CYP4F3: variants seen among roughly 807,000 people sequenced by gnomAD.
The protein encoded by CYP4F3 is cytochrome P450 family 4 subfamily F member 3.
CYP4F3 carries 50 observed loss-of-function variants against 54.8 expected under a neutral mutation model. The observed-to-expected ratio is 0.91, with a 90% CI of 0.73 to 1.16. The LOEUF is 1.16. CYP4F3 is among the 50% of genes most tolerant of loss of function. CYP4F3 has a pLI of 0.00. For missense variants in CYP4F3, 715 were observed against 676.2 expected (o/e 1.06, Z -0.64); for synonymous variants, 244 against 262.6 (o/e 0.93, Z 0.69).
chr19:15,647,808 C>T (rs1972675342), intron 5 of CYP4F3, among the ~76,000 whole-genome samples: 5 of 152,180 alleles, frequency 3.3e-5, no homozygotes, highest in Admixed American at 3.3e-4. Context: ...TGGGTTTTGG[C>T]TGGCTTCAGA....
intron 9 of CYP4F3, 56 bp downstream of exon 9, chr19:15,653,008 C>T (rs1164675058): frequency 5.2e-6 from 8 of 1,546,082 alleles, no homozygotes; most frequent in Non-Finnish European, 7.0e-6. Context: ...CTCTGTTCCC[C>T]AGGTAGGGAG....
chr19:15,651,281 TTG>T, intron 7 of CYP4F3, among the ~76,000 whole-genome samples: 1 of 140,990 alleles, frequency 7.1e-6, no homozygotes, highest in Admixed American at 7.1e-5. Context: ...TTCTCTGTGT[TTG>T]TGTCTTTGTC....
At chr19:15,645,925 G>T in intron 3 of CYP4F3, 62 bp downstream of exon 3, 1 of 1,504,174 alleles carries the variant, frequency 6.6e-7, no homozygotes, top group Non-Finnish European at 9.0e-7. Context: ...CCCACAGCTG[G>T]GGTCTCTGTG....
intron 2 of CYP4F3, among the ~76,000 whole-genome samples, chr19:15,642,846 A>G (rs991942057): frequency 6.6e-6 from 1 of 151,744 alleles, no homozygotes; most frequent in Non-Finnish European, 1.5e-5. Context: ...GATAGATAAC[A>G]GGATAGATGG....
In CYP4F3 at chr19:15,641,618, G is replaced by T; in HGVS notation, c.198+5G>T. The T allele has an allele frequency of 6.2e-7, 1 of 1,613,510 alleles. No individual in the cohort carries two copies. The highest frequency in any genetic ancestry group is 8.5e-7 in the Non-Finnish European group (1 of 1,179,636). On this transcript the variant is annotated splice_donor_5th_base_variant and intron_variant, in intron 2 of 12. Transcript: ENST00000221307. ...TTCTTGGGTCACCTGGGCCTGGTGA[G>T]TGTGGCAGCAGGACGGGTCTGGGGT...
rs527733036 is a variant in CYP4F3, at chr19:15,649,953, G to A, written c.688G>A (p.Ala230Thr). 4.3e-6 allele frequency: 7 copies of A among 1,614,110 alleles called. No homozygotes were observed. In the African/African-American group the frequency reaches 8.0e-5, roughly 18 times the overall value. The change falls in exon 7 of 13, where the codon GCC becomes ACC. Residue 230 changes from alanine to threonine, a missense_variant. By Grantham distance (58) the Ala-to-Thr change is moderately conservative (BLOSUM62 0). Transcript: ENST00000221307. ...TATTGCCGCCATCTTGGAGCTCAGT[G>A]CCCTTGTGACAAAAAGACACCAGCA... ...EYIAAILELS[A>T]LVTKRHQQIL...
chr19:15,643,869 A>T (rs1972545915), intron 2 of CYP4F3: 1 of 1,502,382 alleles, frequency 6.7e-7, no homozygotes, highest in Non-Finnish European at 8.8e-7. Context: ...CCTAGAATTA[A>T]CCATGACAGG....
chr19:15,658,228 C>A (rs1428108710), intron 9 of CYP4F3, 36 bp from the exon 10 acceptor site: 1 of 1,605,014 alleles, frequency 6.2e-7, no homozygotes, highest in Non-Finnish European at 8.5e-7. Flanking sequence ...TGTCTTTGCT[C>A]CCTTGATAAG....
Position 15,650,389 on chromosome 19 carries a change from C to G in CYP4F3, c.918+206C>G, listed in dbSNP as rs545898700. On this transcript the variant is annotated intron_variant, in intron 7 of 12. Coordinates refer to ENST00000221307, the MANE Select transcript of CYP4F3 (RefSeq NM_000896.3). The stretch of plus-strand genomic sequence containing the variant: ...ACTGCTAAATGAAATTGTGATGAGT[C>G]TGAGATTTACTCTATTTATAAGTTA... 205 of 950,186 alleles carry G rather than the reference C, an allele frequency of 2.2e-4. 1 individual carries two copies. Among genetic ancestry groups the G allele is most frequent in the Non-Finnish European group, 3.0e-4 (188 of 634,252 alleles). 58.9% of individuals were successfully genotyped at this position (950,186 alleles called of 1,614,324 possible). A position where few individuals can be genotyped will look rare whatever the true frequency, so the allele number is the denominator to read the frequency against.
intron 7 of CYP4F3, 27 bp from the exon 8 acceptor site, chr19:15,652,542 G>A: frequency 6.2e-7 from 1 of 1,612,706 alleles, no homozygotes; most frequent in Non-Finnish European, 8.5e-7. Context: ...TGGGGGTGGG[G>A]GTGGGGGGTT....
chr19:15,643,310 TAGATTAGA>T (rs1419989662), intron 2 of CYP4F3, among the ~76,000 whole-genome samples: 6 of 145,166 alleles, frequency 4.1e-5, no homozygotes, highest in Non-Finnish European at 7.6e-5. Context: ...GGTAGATAGA[TAGATTAGA>T]TAGATAGATA....
chr19:15,653,607 C>G (rs1234303325), intron 9 of CYP4F3, among the ~76,000 whole-genome samples: 2 of 152,004 alleles, frequency 1.3e-5, no homozygotes, highest in African/African-American at 4.8e-5. Context: ...GGAAGCAGGA[C>G]TAGGGGGGTA....
In CYP4F3 at chr19:15,658,481, T is replaced by G. The variant is rs376392512; in HGVS notation, c.1250-10T>G. 2 of 1,614,092 alleles carry G rather than the reference T, an allele frequency of 1.2e-6. No individual in the cohort carries two copies. The highest frequency in any genetic ancestry group is 1.7e-6 in the Non-Finnish European group (2 of 1,180,000). Reference sequence around the variant, plus strand: ...GAGCATTGTCCTGACTGCCCCCTTCTCTCCCACAGGCATTATCTGCCTCAT... The same window carrying G: ...GAGCATTGTCCTGACTGCCCCCTTCGCTCCCACAGGCATTATCTGCCTCAT... On this transcript the variant is annotated splice_polypyrimidine_tract_variant and intron_variant, in intron 10 of 12. Transcript: ENST00000221307.
intron 3 of CYP4F3, among the ~76,000 whole-genome samples, chr19:15,646,729 A>G (rs1007639666): frequency 2.0e-5 from 3 of 152,118 alleles, no homozygotes; most frequent in Admixed American, 2.0e-4. Flanking sequence ...GTCCTTGTGA[A>G]GGCATTCTGT....
At position 15,645,797 on chromosome 19, in the gene CYP4F3, G is replaced by A; in HGVS notation, c.277G>A (p.Gly93Arg). ...CGGTGATATGTGCTGCTGGTGGGTG[G>A]GGCCCTGGCACGCAATCGTCCGCAT... ...TFGDMCCWWV[G>R]PWHAIVRIFH... is the part of the protein sequence containing the mutation. The change falls in exon 3 of 13, where the codon GGG (glycine) becomes AGG (arginine). Residue 93 changes from glycine (G) to arginine (R), a missense_variant. Transcript: ENST00000221307. The A allele has an allele frequency of 1.9e-6, 3 of 1,614,136 alleles. No individual in the cohort carries two copies. Among genetic ancestry groups the A allele is most frequent in the Non-Finnish European group, 2.5e-6 (3 of 1,179,982 alleles).
At chr19:15,655,931 T>C (rs1972999162) in intron 9 of CYP4F3, among the ~76,000 whole-genome samples, 1 of 152,198 alleles carries the variant, frequency 6.6e-6, no homozygotes, top group Admixed American at 6.5e-5. Context: ...TTGAGAACAT[T>C]TGAAGTTTAC....
In CYP4F3 at chr19:15,658,277, C is replaced by G. The variant is rs1425740008; in HGVS notation, c.1129C>G (p.Gln377Glu). 7.4e-6 allele frequency: 12 copies of G among 1,614,064 alleles called. No individual in the cohort carries two copies. Among genetic ancestry groups the G allele is most frequent in the Non-Finnish European group, 1.0e-5 (12 of 1,179,972 alleles). Residue 377 changes from glutamine (Q) to glutamate (E), a missense_variant, in exon 10 of 13, where the codon CAG becomes GAG. Coordinates refer to ENST00000221307, the MANE Select transcript of CYP4F3 (RefSeq NM_000896.3). The stretch of plus-strand genomic sequence containing the variant: ...GTGTTTCCTTAGGGACGACCTGGCC[C>G]AGCTGCCCTTCCTGACCATGTGCAT... ...PKEIEWDDLA[Q>E]LPFLTMCIKE...
At chr19:15,641,683 T>C in intron 2 of CYP4F3, 70 bp downstream of exon 2, 2 of 1,063,670 alleles carry the variant, frequency 1.9e-6, no homozygotes, top group Non-Finnish European at 1.4e-6. Flanking sequence ...AGAATGAGGC[T>C]CAGGTGAGAG....
intron 7 of CYP4F3, among the ~76,000 whole-genome samples, chr19:15,650,672 C>CTTTCTTTCTTTCTTTCTTTCTTTCTTT (rs1568397501): frequency 0.011 from 472 of 42,066 alleles, 29 homozygotes; most frequent in East Asian, 0.038. Context: ...TTCTTTCTTT[C>CTTTCTTTCTTTCTTTCTTTCTTTCTTT]TTTCTTTCTT....
Sources: gnomAD v4.1 joint callset for allele counts (sites outside exome capture counted in the v4.1 genomes callset) on GRCh38, gnomAD v4.1.1 for gene constraint, MANE v1.5 for transcripts, NCBI Gene and HGNC (gene_info 2026-07-23, HGNC 2026-07-21) for gene names.